The following LARP1 variants were observed in gnomAD, a reference collection of about 807,000 sequenced individuals.
LARP1 encodes La ribonucleoprotein 1, translational regulator, also known as la-related protein 1.
Under a neutral mutation model 122.7 loss-of-function variants are expected in LARP1, and 36 were observed. That is an observed-to-expected ratio of 0.29 (90% CI 0.22 to 0.39). LARP1 has a LOEUF of 0.39. Among genes scored for constraint, LARP1 ranks in the 10% least tolerant of loss-of-function variants. The pLI is 1.00. For synonymous variants in LARP1, 539 were observed against 528.7 expected, an observed-to-expected ratio of 1.02 and a Z score of -0.27; for missense variants, 1,040 against 1,403.6, an observed-to-expected ratio of 0.74 and a Z score of 4.14.
upstream of LARP1, among the ~76,000 whole-genome samples, chr5:154,750,621 G>T (rs1479262045): frequency 6.7e-6 from 1 of 148,948 alleles, no homozygotes; most frequent in Non-Finnish European, 1.5e-5. Context: ...TTTATTTTTT[G>T]AGACAAGGTC....
At position 154,687,750 on chromosome 5, in the gene LARP1, G is replaced by A. The variant is rs547230960; in HGVS notation, c.-180+4713G>A. The stretch of plus-strand genomic sequence containing the variant: ...TTTGGAAGGCGAAGGTGGCAGGAAA[G>A]TTTGAGGCTAGGAGTTCAAGACCAG... On this transcript the variant is annotated intron_variant, in intron 1 of 18. Transcript: ENST00000687700. Among the ~76,000 whole-genome samples the A allele has an allele frequency of 1.7e-4, 26 of 151,772 alleles. No individual in the cohort carries two copies. The East Asian group carries it at 4.7e-3, about 27-fold the overall frequency.
Position 154,808,349 on chromosome 5 carries a change from A to AT in LARP1, c.2699-107dup, listed in dbSNP as rs1758966413. On this transcript the variant is annotated intron_variant, in intron 15 of 18. Coordinates refer to ENST00000518297, the MANE Select transcript of LARP1 (RefSeq NM_033551.3). ...TGAGTGGCAGATGATGAGTGAGGGGATTTGGAAGTACATGAGAAAGGACCA... is the reference window on the plus strand; with the variant it reads ...TGAGTGGCAGATGATGAGTGAGGGGATTTTGGAAGTACATGAGAAAGGACCA... 7.6e-6 allele frequency: 10 copies of AT among 1,314,714 alleles called. No homozygotes were observed. In the South Asian group the frequency reaches 1.5e-4, roughly 19 times the overall value. 81.4% of individuals were successfully genotyped at this position (1,314,714 alleles called of 1,614,324 possible). A position where few individuals can be genotyped will look rare whatever the true frequency, so the allele number is the denominator to read the frequency against.
intron 1 of LARP1, among the ~76,000 whole-genome samples, chr5:154,691,314 C>T (rs1269139617): frequency 3.3e-5 from 5 of 152,046 alleles, no homozygotes; most frequent in African/African-American, 1.2e-4. Flanking sequence ...AGATACAGCC[C>T]GAGTTCTAGT....
At chr5:154,791,905 G>C (rs1287097589) in intron 3 of LARP1, 1 of 454,100 alleles carries the variant, frequency 2.2e-6, no homozygotes, top group Admixed American at 2.3e-5. Flanking sequence ...AACCCTCACA[G>C]TGACTCTGAG....
At position 154,799,980 on chromosome 5, in the gene LARP1, C is replaced by T. The variant is rs1450488880; in HGVS notation, c.1654C>T (p.Leu552=). ...GGGCCTGTCTGCCAGCCTGCCTGACCTGGATTCTGAGAACTGGATTGAAGT... is the reference window on the plus strand; with the variant it reads ...GGGCCTGTCTGCCAGCCTGCCTGACTTGGATTCTGAGAACTGGATTGAAGT... The part of the protein sequence containing the change: ...PKGLSASLPD[L]DSENWIEVKK... Residue 552 remains leucine (L), a synonymous_variant, in exon 10 of 19, where the codon CTG becomes TTG. Coordinates refer to ENST00000518297, the MANE Select transcript of LARP1 (RefSeq NM_033551.3). The T allele has an allele frequency of 6.2e-7, 1 of 1,614,114 alleles. No individual in the cohort carries two copies. Among genetic ancestry groups the T allele is most frequent in the African/African-American group, 1.3e-5 (1 of 74,946 alleles).
At chr5:154,756,835 C>CCCGG (rs1440172479) in intron 1 of LARP1, among the ~76,000 whole-genome samples, 1 of 152,058 alleles carries the variant, frequency 6.6e-6, no homozygotes, top group African/African-American at 2.4e-5. Flanking sequence ...CCTCCCCGAT[C>CCCGG]CCGGGCACCT....
At chr5:154,692,641 G>A (rs1754277086) in intron 1 of LARP1, among the ~76,000 whole-genome samples, 2 of 152,124 alleles carry the variant, frequency 1.3e-5, no homozygotes, top group African/African-American at 2.4e-5. Context: ...CTGCCAACAG[G>A]GTAAAGAGTT....
At chr5:154,799,524 A>G (rs1422917766) in intron 8 of LARP1, 67 bp from the exon 9 acceptor site, 38 of 1,562,678 alleles carry the variant, frequency 2.4e-5, no homozygotes, top group Non-Finnish European at 3.3e-5. Context: ...CCAGTTGTCT[A>G]CCATTTCCAA....
chr5:154,694,581 G>A (rs1043893509), intron 1 of LARP1, among the ~76,000 whole-genome samples: 3 of 152,234 alleles, frequency 2.0e-5, no homozygotes, highest in South Asian at 2.1e-4. Context: ...AGACAATGGG[G>A]AAATTTCACT....
intron 1 of LARP1, among the ~76,000 whole-genome samples, chr5:154,697,017 G>A (rs1369516971): frequency 2.6e-5 from 4 of 152,180 alleles, no homozygotes; most frequent in Non-Finnish European, 4.4e-5. Flanking sequence ...AATCTGATAC[G>A]CATTTGTTTC....
intron 15 of LARP1, among the ~76,000 whole-genome samples, chr5:154,806,494 A>G (rs1758796970): frequency 6.6e-6 from 1 of 152,174 alleles, no homozygotes; most frequent in South Asian, 2.1e-4. Flanking sequence ...GGGTTGTAAG[A>G]AAAAAAGATT....
chr5:154,777,107 G>C (rs933540588), intron 1 of LARP1, among the ~76,000 whole-genome samples: 6 of 152,206 alleles, frequency 3.9e-5, no homozygotes, highest in Non-Finnish European at 8.8e-5. Context: ...GTATAGTATA[G>C]CCTGTTGCTC....
chr5:154,799,445 G>A (rs913994549), intron 8 of LARP1, 146 bp from the exon 9 acceptor site: 1 of 758,964 alleles, frequency 1.3e-6, no homozygotes, highest in African/African-American at 1.7e-5. Context: ...TTATCTACCA[G>A]TCGTGGAAGA....
In LARP1 at chr5:154,816,822, A is replaced by G. The variant is rs1268329029; in HGVS notation, c.*2726A>G. On this transcript the variant is annotated 3_prime_UTR_variant, in exon 19 of 19. Transcript: ENST00000518297. ...ACATAACCTCTGGGCATCAGACATC[A>G]GCAGGTCTGTGTGCCTCAGCCCTGT... 6.6e-6 allele frequency: 1 copy of G among 152,266 alleles called. No homozygotes were observed. The highest frequency in any genetic ancestry group is 2.4e-5 in the African/African-American group (1 of 41,446). 9.4% of individuals were successfully genotyped at this position (152,266 alleles called of 1,614,324 possible). A position where few individuals can be genotyped will look rare whatever the true frequency, so the allele number is the denominator to read the frequency against.
chr5:154,756,294 C>G, intron 1 of LARP1, 101 bp downstream of exon 1: 1 of 964,144 alleles, frequency 1.0e-6, no homozygotes, highest in Non-Finnish European at 1.3e-6. Context: ...TGCTACCGGT[C>G]ATGGTGACTC....
At chr5:154,788,698 G>C (rs1757081223) in intron 1 of LARP1, among the ~76,000 whole-genome samples, 1 of 151,544 alleles carries the variant, frequency 6.6e-6, no homozygotes, top group Non-Finnish European at 1.5e-5. Flanking sequence ...GTTGGGAAAA[G>C]AAGTGTGGAT....
intron 1 of LARP1, chr5:154,786,605 A>G (rs1169723255): frequency 1.2e-5 from 5 of 403,766 alleles, no homozygotes; most frequent in Admixed American, 2.9e-5. Context: ...CCCAGTCATC[A>G]GTAACTGTTT....
At chr5:154,811,472 T>G (rs1360573182) in intron 17 of LARP1, 41 bp from the exon 18 acceptor site, 11 of 1,613,920 alleles carry the variant, frequency 6.8e-6, no homozygotes, top group Non-Finnish European at 8.5e-6. Context: ...CTGAGCTTCT[T>G]TATCCTCACC....
At chr5:154,755,084 C>T (rs1412891594), upstream of LARP1, among the ~76,000 whole-genome samples, 1 of 152,004 alleles carries the variant, frequency 6.6e-6, no homozygotes, top group Non-Finnish European at 1.5e-5. Context: ...ACCGACAACT[C>T]CCGAATTGCA....
Sources: gnomAD v4.1 joint callset for allele counts (sites outside exome capture counted in the v4.1 genomes callset) on GRCh38, gnomAD v4.1.1 for gene constraint, MANE v1.5 for transcripts, NCBI Gene and HGNC (gene_info 2026-07-23, HGNC 2026-07-21) for gene names.